The following BCAS4 variants were observed in gnomAD, a reference collection of about 807,000 sequenced individuals.
The protein encoded by BCAS4 is breast carcinoma amplified sequence 4.
BCAS4 carries 9 observed loss-of-function variants against 15.7 expected under a neutral mutation model. The ratio of observed to expected loss-of-function variants is 0.57; its 90% CI spans 0.34 to 1.00. The LOEUF (loss-of-function observed/expected upper bound fraction) is 1.00, where lower values mean the gene tolerates loss of function less well. BCAS4 is among the 50% of genes least tolerant of loss of function. The pLI is 0.02. For missense variants in BCAS4, 225 were observed against 239.1 expected (o/e 0.94, Z 0.39); for synonymous variants, 101 against 99.5 (o/e 1.02, Z -0.09).
intron 1 of BCAS4, among the ~76,000 whole-genome samples, chr20:50,804,188 G>A (rs1033314542): frequency 3.3e-5 from 5 of 152,140 alleles, no homozygotes; most frequent in African/African-American, 1.2e-4. Context: ...ACAGGCGCCT[G>A]CCACCATACC....
At chr20:50,826,114 G>C (rs757851605) in intron 2 of BCAS4, among the ~76,000 whole-genome samples, 3 of 152,068 alleles carry the variant, frequency 2.0e-5, no homozygotes, top group Non-Finnish European at 4.4e-5. Flanking sequence ...TTTGTTCCCC[G>C]GTGCTCTGAC....
chr20:50,849,564 A>G (rs2088585138), intron 4 of BCAS4, among the ~76,000 whole-genome samples: 1 of 152,216 alleles, frequency 6.6e-6, no homozygotes, highest in Non-Finnish European at 1.5e-5. Context: ...GTGATCTGGT[A>G]ACAGCAATGA....
At chr20:50,834,935 C>T (rs533406235) in intron 3 of BCAS4, among the ~76,000 whole-genome samples, 7 of 152,244 alleles carry the variant, frequency 4.6e-5, no homozygotes, top group African/African-American at 1.4e-4. Flanking sequence ...CTGGACCATA[C>T]TTCATTTGTC....
intron 1 of BCAS4, among the ~76,000 whole-genome samples, chr20:50,803,169 A>T (rs1463735315): frequency 6.6e-6 from 1 of 152,222 alleles, no homozygotes; most frequent in East Asian, 1.9e-4. Flanking sequence ...CCACAGAGCA[A>T]GATTCTGTCT....
intron 4 of BCAS4, among the ~76,000 whole-genome samples, chr20:50,853,139 A>ATTTTTTT (rs35651267): frequency 1.1e-4 from 12 of 106,890 alleles, no homozygotes; most frequent in East Asian, 2.7e-4. Flanking sequence ...ATCCCCTTTC[A>ATTTTTTT]TTTTTTTTTT....
intron 3 of BCAS4, chr20:50,840,670 T>C (rs2088467308): frequency 6.2e-7 from 1 of 1,613,224 alleles, no homozygotes; most frequent in Non-Finnish European, 8.5e-7. Flanking sequence ...AGGCAGTGGA[T>C]TTTTCTCTTG....
At chr20:50,835,338 G>A (rs73615342) in intron 3 of BCAS4, among the ~76,000 whole-genome samples, 2 of 148,486 alleles carry the variant, frequency 1.3e-5, no homozygotes, top group East Asian at 2.0e-4. Context: ...TCTGCCTCCC[G>A]GGTTCAAGTG....
At chr20:50,823,527 C>G (rs906799417) in intron 2 of BCAS4, among the ~76,000 whole-genome samples, 1 of 152,020 alleles carries the variant, frequency 6.6e-6, no homozygotes, top group Non-Finnish European at 1.5e-5. Flanking sequence ...TGATATTGAA[C>G]GAAAGAAGTC....
intron 4 of BCAS4, among the ~76,000 whole-genome samples, chr20:50,874,523 G>A (rs955594424): frequency 7.9e-5 from 12 of 152,214 alleles, no homozygotes; most frequent in Non-Finnish European, 1.6e-4. Flanking sequence ...GTTTCTCCTG[G>A]TTCATTTGTG....
chr20:50,795,003 A>G (rs1425891896), upstream of BCAS4: 5 of 1,347,576 alleles, frequency 3.7e-6, no homozygotes, highest in Admixed American at 1.3e-4. Context: ...CATGCAGCGG[A>G]CCGGGGGCGG....
intron 1 of BCAS4, among the ~76,000 whole-genome samples, chr20:50,806,340 G>T (rs957611023): frequency 6.6e-6 from 1 of 152,208 alleles, no homozygotes; most frequent in Non-Finnish European, 1.5e-5. Flanking sequence ...AGCTCTTCCA[G>T]GCAGTACACG....
At position 50,834,623 on chromosome 20, in the gene BCAS4, G is replaced by A. The variant is rs117784661; in HGVS notation, c.264+4243G>A. On this transcript the variant is annotated intron_variant, in intron 3 of 4. Transcript: ENST00000371608. ...TATTCTTAAAGTATACCATTTGGAG[G>A]TGTGGGGTATATTTACTAGGTGATA... 7.9e-5 allele frequency among the ~76,000 whole-genome samples: 12 copies of A among 152,270 alleles called. No individual in the cohort carries two copies. The East Asian group carries it at 2.3e-3, about 29-fold the overall frequency.
intron 1 of BCAS4, among the ~76,000 whole-genome samples, chr20:50,809,618 AT>A (rs202078777): frequency 3.3e-5 from 5 of 150,948 alleles, no homozygotes; most frequent in Non-Finnish European, 7.4e-5. Flanking sequence ...GAATTTTAGG[AT>A]TTTTTTTTCT....
intron 2 of BCAS4, among the ~76,000 whole-genome samples, 157 bp downstream of exon 2, chr20:50,818,439 CCT>C (rs3830778): frequency 5.3e-5 from 8 of 150,714 alleles, no homozygotes; most frequent in Admixed American, 6.6e-5. Context: ...AACACTCCCT[CCT>C]CTCTCTCTCT....
At chr20:50,875,147 A>C (rs905207892) in intron 4 of BCAS4, among the ~76,000 whole-genome samples, 8 of 152,244 alleles carry the variant, frequency 5.3e-5, no homozygotes, top group African/African-American at 1.9e-4. Flanking sequence ...GAGTAGAGAC[A>C]TCTGACCCCC....
intron 1 of BCAS4, among the ~76,000 whole-genome samples, chr20:50,816,791 A>ATTTTTTTTTTTTTTTTTTT (rs35600563): frequency 3.7e-5 from 3 of 80,926 alleles, no homozygotes; most frequent in African/African-American, 1.9e-4. Context: ...TGCCTGGCTA[A>ATTTTTTTTTTTTTTTTTTT]TTTTTTTTTT....
downstream of BCAS4, chr20:50,878,789 G>A (rs6122981): frequency 0.37 from 56,925 of 151,906 alleles, 10,838 homozygotes; most frequent in African/African-American, 0.44. Flanking sequence ...AACCTTTATT[G>A]AAGTATAATT....
At chr20:50,861,455 A>C (rs578164986) in intron 4 of BCAS4, among the ~76,000 whole-genome samples, 88 of 152,352 alleles carry the variant, frequency 5.8e-4, no homozygotes, top group African/African-American at 2.0e-3. Flanking sequence ...GAGTGAAATG[A>C]CAAGGGTGCG....
chr20:50,840,255 G>A (rs1307118392), intron 3 of BCAS4, among the ~76,000 whole-genome samples: 1 of 151,806 alleles, frequency 6.6e-6, no homozygotes, highest in Non-Finnish European at 1.5e-5. Context: ...AAAAAATTGT[G>A]CATTCCAATA....
Sources: gnomAD v4.1 joint callset for allele counts (sites outside exome capture counted in the v4.1 genomes callset) on GRCh38, gnomAD v4.1.1 for gene constraint, MANE v1.5 for transcripts, NCBI Gene and HGNC (gene_info 2026-07-23, HGNC 2026-07-21) for gene names.